ZNF714: variants seen among roughly 807,000 people sequenced by gnomAD.
ZNF714 encodes the protein zinc finger protein 714.
ZNF714 carries 32 observed loss-of-function variants against 46.2 expected under a neutral mutation model. The observed-to-expected ratio is 0.69, with a 90% confidence interval of 0.52 to 0.93. The LOEUF is 0.93. Ranked by LOEUF, ZNF714 falls within the 40% of genes least tolerant of loss-of-function variation. ZNF714 has a pLI of 0.00. For synonymous variants in ZNF714, 199 were observed against 213.1 expected (o/e 0.93, Z 0.58); for missense variants, 635 against 646.3 (o/e 0.98, Z 0.19).
intron 4 of ZNF714, among the ~76,000 whole-genome samples, chr19:21,107,317 G>T (rs1163886553): frequency 6.6e-6 from 1 of 150,394 alleles, no homozygotes; most frequent in Non-Finnish European, 1.5e-5. Context: ...TTGGCTTACC[G>T]CAACCTCCGC....
At chr19:21,087,816 A>G (rs1968817574) in intron 2 of ZNF714, among the ~76,000 whole-genome samples, 1 of 152,200 alleles carries the variant, frequency 6.6e-6, no homozygotes, top group Admixed American at 6.5e-5. Flanking sequence ...TCCAGGCAAA[A>G]AAGTCCACAT....
At chr19:21,095,449 C>G (rs549014013) in intron 2 of ZNF714, among the ~76,000 whole-genome samples, 1 of 140,604 alleles carries the variant, frequency 7.1e-6, no homozygotes, top group East Asian at 2.2e-4. Context: ...ATGGTGATGG[C>G]CCCCTGGTGT....
In ZNF714 at chr19:21,119,947, T is replaced by C. The variant is rs1474132106; in HGVS notation, c.*1615T>C. The C allele has an allele frequency of 6.6e-6, 1 of 152,250 alleles. No homozygotes were observed. Among genetic ancestry groups the C allele is most frequent in the Non-Finnish European group, 1.5e-5 (1 of 68,046 alleles). 9.4% of individuals were successfully genotyped at this position (152,250 alleles called of 1,614,324 possible). On this transcript the variant is annotated 3_prime_UTR_variant, in exon 5 of 5. Coordinates refer to ENST00000456283, the MANE Select transcript of ZNF714 (RefSeq NM_182515.4). Reference sequence around the variant, plus strand: ...AGTGAATAATGATGTCATTCAACTCTGAAATTCCTGCCGTTTCTTCATTCC... The same window carrying C: ...AGTGAATAATGATGTCATTCAACTCCGAAATTCCTGCCGTTTCTTCATTCC...
At chr19:21,106,459 C>T (rs929947325) in intron 4 of ZNF714, among the ~76,000 whole-genome samples, 1 of 150,874 alleles carries the variant, frequency 6.6e-6, no homozygotes, top group Non-Finnish European at 1.5e-5. Flanking sequence ...ATCCCAGCTA[C>T]TCAGGAGGCT....
intron 4 of ZNF714, among the ~76,000 whole-genome samples, chr19:21,100,598 C>T (rs1969154870): frequency 6.6e-6 from 1 of 152,034 alleles, no homozygotes; most frequent in East Asian, 1.9e-4. Context: ...TATTTTAATA[C>T]TATTATAAAT....
chr19:21,104,095 T>C (rs1013324975), intron 4 of ZNF714, among the ~76,000 whole-genome samples: 6 of 152,216 alleles, frequency 3.9e-5, no homozygotes, highest in Non-Finnish European at 8.8e-5. Context: ...CTCATATACA[T>C]AGTGGAATCA....
intron 2 of ZNF714, among the ~76,000 whole-genome samples, chr19:21,097,596 A>G (rs1398498076): frequency 6.6e-6 from 1 of 152,006 alleles, no homozygotes; most frequent in Admixed American, 6.6e-5. Context: ...TTTTTTGCAC[A>G]TATGTGTCTT....
chr19:21,086,954 A>G (rs1325941873), intron 2 of ZNF714, among the ~76,000 whole-genome samples: 1 of 152,190 alleles, frequency 6.6e-6, no homozygotes, highest in Non-Finnish European at 1.5e-5. Context: ...GATCAGTGAC[A>G]TTTTATGCAA....
chr19:21,115,823 TA>T (rs1372372863), intron 4 of ZNF714, among the ~76,000 whole-genome samples: 3 of 151,744 alleles, frequency 2.0e-5, no homozygotes, highest in Admixed American at 1.3e-4. Context: ...TTTCTTTTGA[TA>T]TTTTTTACCT....
intron 2 of ZNF714, among the ~76,000 whole-genome samples, chr19:21,096,148 G>C (rs531283156): frequency 2.0e-5 from 3 of 152,278 alleles, no homozygotes; most frequent in South Asian, 4.1e-4. Context: ...CTGTGGCAGG[G>C]GAGGGCACCT....
intron 4 of ZNF714, among the ~76,000 whole-genome samples, chr19:21,102,973 A>G (rs1251678051): frequency 6.6e-6 from 1 of 152,126 alleles, no homozygotes; most frequent in Non-Finnish European, 1.5e-5. Context: ...CATCTATCAC[A>G]ATCGGATTAT....
Position 21,117,594 on chromosome 19 carries a change from G to T in ZNF714, c.930G>T (p.Glu310Asp), listed in dbSNP as rs760268670. 11 of 1,609,418 alleles carry T rather than the reference G, an allele frequency of 6.8e-6. No individual in the cohort carries two copies. In the Admixed American group the frequency reaches 1.7e-4, roughly 25 times the overall value. Residue 310 changes from glutamate (E) to aspartate (D), a missense_variant, in exon 5 of 5, where the codon GAG (glutamate) becomes GAT (aspartate). Physicochemically the swap from Glu to Asp is conservative, Grantham distance 45. Transcript: ENST00000456283. The part of the protein sequence containing the change: ...LTKHKIIHSG[E>D]KSYKCEQCGK... ...AACATAAGATAATTCATTCTGGAGAGAAATCTTACAAATGTGAACAATGTG... is the reference window on the plus strand; with the variant it reads ...AACATAAGATAATTCATTCTGGAGATAAATCTTACAAATGTGAACAATGTG...
At chr19:21,107,668 C>T (rs980715752) in intron 4 of ZNF714, among the ~76,000 whole-genome samples, 11 of 152,228 alleles carry the variant, frequency 7.2e-5, no homozygotes, top group African/African-American at 2.6e-4. Flanking sequence ...AACAAAAATA[C>T]GTTGAAGAGT....
intron 4 of ZNF714, among the ~76,000 whole-genome samples, chr19:21,106,221 C>T (rs1004158964): frequency 3.9e-5 from 6 of 151,908 alleles, no homozygotes; most frequent in African/African-American, 1.2e-4. Flanking sequence ...CACCACTGCA[C>T]TCCAGTCTGG....
chr19:21,083,597 CT>C (rs1486473602), intron 1 of ZNF714, among the ~76,000 whole-genome samples: 1 of 152,096 alleles, frequency 6.6e-6, no homozygotes, highest in African/African-American at 2.4e-5. Flanking sequence ...ACCTGTTTGT[CT>C]TTTAGTGTAC....
chr19:21,096,917 A>G (rs961651752), intron 2 of ZNF714, among the ~76,000 whole-genome samples: 6 of 152,050 alleles, frequency 3.9e-5, no homozygotes, highest in Non-Finnish European at 8.8e-5. Flanking sequence ...CCCAGGCTAG[A>G]GTGCAGTGGC....
At chr19:21,098,737 C>T in intron 3 of ZNF714, 75 bp from the exon 4 acceptor site, 1 of 914,322 alleles carries the variant, frequency 1.1e-6, no homozygotes, top group Non-Finnish European at 1.6e-6. Flanking sequence ...CTATTATATC[C>T]TTTTTACTGA....
chr19:21,103,394 A>C (rs928962045), intron 4 of ZNF714, among the ~76,000 whole-genome samples: 2 of 151,986 alleles, frequency 1.3e-5, no homozygotes, highest in African/African-American at 4.8e-5. Context: ...CTCTACTAAA[A>C]ATACAAAAAT....
chr19:21,090,872 CTTTTTTTTTTTTTTTTTTT>C (rs56845153), intron 2 of ZNF714: 5 of 52,026 alleles, frequency 9.6e-5, no homozygotes, highest in Non-Finnish European at 1.4e-4. Context: ...TATGCCTCTC[CTTTTTTTTTTTTTTTTTTT>C]TTTTTTTTTT....
Sources: allele counts gnomAD v4.1 joint callset (sites outside exome capture counted in the v4.1 genomes callset), GRCh38; gene constraint gnomAD v4.1.1; transcripts MANE v1.5; gene names NCBI Gene and HGNC (gene_info 2026-07-23, HGNC 2026-07-21).